Variants in NUCB2 observed in about 807,000 individuals in gnomAD.
The protein encoded by NUCB2 is nucleobindin 2.
NUCB2 carries 48 observed loss-of-function variants against 57.9 expected under a neutral mutation model. The observed-to-expected ratio is 0.83, with a 90% confidence interval of 0.66 to 1.05. The LOEUF (loss-of-function observed/expected upper bound fraction) is 1.05, where lower values mean the gene tolerates loss of function less well. NUCB2 is among the 50% of genes least tolerant of loss of function. The pLI is 0.00. For synonymous variants in NUCB2, 139 were observed against 152.1 expected (o/e 0.91, Z 0.64); for missense variants, 442 against 476.2 (o/e 0.93, Z 0.67).
intron 2 of NUCB2, among the ~76,000 whole-genome samples, chr11:17,338,002 A>G (rs1406404411): frequency 6.6e-6 from 1 of 152,184 alleles, no homozygotes; most frequent in Non-Finnish European, 1.5e-5. Flanking sequence ...CCTACTTTTT[A>G]ATTTATTTAA....
chr11:17,312,046 C>G lies in NUCB2; in HGVS notation c.838C>G (p.Pro280Ala), dbSNP rs767528199. The change falls in exon 10 of 14, where the codon CCT becomes GCT. Residue 280 changes from proline to alanine, a missense_variant. Pro to Ala is a conservative substitution (Grantham distance 27, BLOSUM62 -1). Transcript: ENST00000529010. Reference sequence around the variant, plus strand: ...TTTTTAGTTGGAGAAAGTATATGACCCTAAAAATGAAGAGGATGATATGGT... The same window carrying G: ...TTTTTAGTTGGAGAAAGTATATGACGCTAAAAATGAAGAGGATGATATGGT... ...FTKELEKVYD[P>A]KNEEDDMVEM... The G allele has an allele frequency of 2.5e-6, 4 of 1,583,984 alleles. No homozygotes were observed. Among genetic ancestry groups the G allele is most frequent in the Middle Eastern group, 3.4e-4 (2 of 5,926 alleles).
intron 11 of NUCB2, 143 bp downstream of exon 11, chr11:17,315,618 A>G: frequency 2.3e-6 from 1 of 438,226 alleles, no homozygotes. Context: ...GTATAAAATA[A>G]TGAACTTCAT....
intron 10 of NUCB2, among the ~76,000 whole-genome samples, 178 bp downstream of exon 10, chr11:17,312,298 A>G (rs966923943): frequency 2.6e-5 from 4 of 151,790 alleles, no homozygotes; most frequent in African/African-American, 7.3e-5. Context: ...CAGTGGTGCA[A>G]TCATGGCTCC....
At chr11:17,349,545 A>T (rs910785437) in exon 3 of NUCB2, 1 of 152,224 alleles carries the variant, frequency 6.6e-6, no homozygotes, top group Non-Finnish European at 1.5e-5. Context: ...CCTTCTCTTT[A>T]AGGACATTTC....
chr11:17,282,708 G>T (rs971017997), intron 1 of NUCB2, 81 bp from the exon 2 acceptor site: 1 of 152,002 alleles, frequency 6.6e-6, no homozygotes, highest in African/African-American at 2.4e-5. Flanking sequence ...ACACTATCAT[G>T]TACCATTACC....
intron 4 of NUCB2, among the ~76,000 whole-genome samples, chr11:17,300,287 C>T (rs1177793929): frequency 1.3e-5 from 2 of 152,194 alleles, no homozygotes; most frequent in African/African-American, 4.8e-5. Context: ...TCTGGGATAA[C>T]AGGTGGGAGC....
intron 1 of NUCB2, chr11:17,278,239 G>C (rs541706427): frequency 1.5e-5 from 2 of 134,988 alleles, no homozygotes; most frequent in Non-Finnish European, 3.1e-5. Context: ...GCAATGGCCC[G>C]ATCTCAGCTC....
At chr11:17,340,554 A>C (rs1334754741) in intron 2 of NUCB2, among the ~76,000 whole-genome samples, 1 of 152,038 alleles carries the variant, frequency 6.6e-6, no homozygotes, top group African/African-American at 2.4e-5. Context: ...ATCCAGTTTC[A>C]GCTTTCTACA....
chr11:17,312,741 C>G (rs2138974896), intron 10 of NUCB2, among the ~76,000 whole-genome samples: 1 of 151,394 alleles, frequency 6.6e-6, no homozygotes, highest in East Asian at 2.0e-4. Context: ...TAGTCTCACT[C>G]TGTCACCCAG....
chr11:17,280,007 G>A (rs1942231329), intron 1 of NUCB2, among the ~76,000 whole-genome samples: 2 of 151,978 alleles, frequency 1.3e-5, no homozygotes, highest in East Asian at 1.9e-4. Context: ...TGTCCAGGCT[G>A]GTCTCAAACT....
chr11:17,310,416 C>T (rs1166279280), intron 6 of NUCB2, among the ~76,000 whole-genome samples: 2 of 152,122 alleles, frequency 1.3e-5, no homozygotes, highest in Non-Finnish European at 2.9e-5. Flanking sequence ...GAGGGTGGAT[C>T]ACCCAAGGTC....
intron 10 of NUCB2, among the ~76,000 whole-genome samples, chr11:17,313,736 A>G (rs1948845991): frequency 6.6e-6 from 1 of 151,960 alleles, no homozygotes; most frequent in South Asian, 2.1e-4. Context: ...CTTGGCTTTT[A>G]GGAAACCACC....
In NUCB2 at chr11:17,310,820, T is replaced by A; in HGVS notation, c.484-5T>A. 2 of 1,571,496 alleles carry A rather than the reference T, an allele frequency of 1.3e-6. No homozygotes were observed. The highest frequency in any genetic ancestry group is 1.7e-6 in the Non-Finnish European group (2 of 1,167,372). ...ATTTAACTTAAATGCATTATTGCAT[T>A]TCAGGCAACAAGTGATCTGGAACAC... On this transcript the variant is annotated splice_region_variant and splice_polypyrimidine_tract_variant and intron_variant, in intron 6 of 13. Transcript: ENST00000529010.
chr11:17,314,479 G>A (rs1031174610), intron 10 of NUCB2, among the ~76,000 whole-genome samples: 1 of 151,906 alleles, frequency 6.6e-6, no homozygotes, highest in Non-Finnish European at 1.5e-5. Context: ...GCCTTCTGAT[G>A]TTTACCTCTC....
rs191540112 is a variant in NUCB2, at chr11:17,295,341, C to A, written c.18C>A (p.Ile6=). 1 of 1,611,064 alleles carries A rather than the reference C, an allele frequency of 6.2e-7. No individual in the cohort carries two copies. The highest frequency in any genetic ancestry group is 1.7e-5 in the Admixed American group (1 of 59,390). ...TATTTCAGATGAGGTGGAGGACCATCCTGCTACAGTATTGCTTTCTCTTGA... is the reference window on the plus strand; with the variant it reads ...TATTTCAGATGAGGTGGAGGACCATACTGCTACAGTATTGCTTTCTCTTGA... MRWRT[I]LLQYCFLLIT... Residue 6 remains isoleucine, a synonymous_variant, in exon 3 of 14, where the codon ATC becomes ATA. Coordinates refer to ENST00000529010, the MANE Select transcript of NUCB2 (RefSeq NM_005013.4).
chr11:17,309,624 C>A lies in NUCB2; in HGVS notation c.432C>A (p.His144Gln). 1 of 1,606,964 alleles carries A rather than the reference C, an allele frequency of 6.2e-7. No individual in the cohort carries two copies. Among genetic ancestry groups the A allele is most frequent in the Non-Finnish European group, 8.5e-7 (1 of 1,177,476 alleles). ...TAAAACAATTTGATCACCTAAACCA[C>A]CTGAATCCTGACAAGTTTGAATCCA... ...ALLKQFDHLNHLNPDKFESTD... is the reference protein window; with the variant it reads ...ALLKQFDHLNQLNPDKFESTD... The change falls in exon 6 of 14, where the codon CAC becomes CAA. Residue 144 changes from histidine to glutamine, a missense_variant. His to Gln is a conservative substitution (Grantham distance 24). Coordinates refer to ENST00000529010, the MANE Select transcript of NUCB2 (RefSeq NM_005013.4).
At chr11:17,328,124 CT>C (rs1405194484) in intron 11 of NUCB2, among the ~76,000 whole-genome samples, 2 of 152,186 alleles carry the variant, frequency 1.3e-5, no homozygotes, top group Non-Finnish European at 2.9e-5. Flanking sequence ...TCCAGTAATT[CT>C]GTGATTTTTG....
intron 2 of NUCB2, among the ~76,000 whole-genome samples, chr11:17,294,795 C>T (rs1182542829): frequency 6.6e-6 from 1 of 150,988 alleles, no homozygotes; most frequent in African/African-American, 2.4e-5. Context: ...CGCCTGTAAT[C>T]TTTGCACTTT....
At position 17,282,799 on chromosome 11, in the gene NUCB2, G is replaced by A. The variant is rs1053676145; in HGVS notation, c.-145G>A. 1 of 151,502 alleles carries A rather than the reference G, an allele frequency of 6.6e-6. No individual in the cohort carries two copies. Among genetic ancestry groups the A allele is most frequent in the African/African-American group, 2.4e-5 (1 of 41,200 alleles). 9.4% of individuals were successfully genotyped at this position (151,502 alleles called of 1,614,324 possible). A position where few individuals can be genotyped will look rare whatever the true frequency, so the allele number is the denominator to read the frequency against. ...TTTTTTTACATTTAGAACGTGTTAC[G>A]AGTCAGTTTTTAGTGAAAAAACATT... On this transcript the variant is annotated 5_prime_UTR_variant, in exon 2 of 14. Transcript: ENST00000529010.
Sources: gnomAD v4.1 joint callset for allele counts (sites outside exome capture counted in the v4.1 genomes callset) on GRCh38, gnomAD v4.1.1 for gene constraint, MANE v1.5 for transcripts, NCBI Gene and HGNC (gene_info 2026-07-23, HGNC 2026-07-21) for gene names.